ADGRL3: variants seen among roughly 807,000 people sequenced by gnomAD.
ADGRL3 encodes adhesion G protein-coupled receptor L3.
Under a neutral mutation model 153.5 loss-of-function variants are expected in ADGRL3, and 62 were observed. The ratio of observed to expected loss-of-function variants is 0.40; its 90% confidence interval spans 0.33 to 0.50. ADGRL3 has a LOEUF of 0.50. Ranked by LOEUF, ADGRL3 falls within the 20% of genes least tolerant of loss-of-function variation. The pLI, the probability that ADGRL3 is intolerant of heterozygous loss-of-function variation, is 0.47. For missense variants in ADGRL3, 1,641 were observed against 1,859.4 expected, an observed-to-expected ratio of 0.88 and a Z score of 2.16; for synonymous variants, 710 against 672.5, an observed-to-expected ratio of 1.06 and a Z score of -0.86.
chr4:61,223,350 G>C (rs1466184909), intron 1 of ADGRL3, among the ~76,000 whole-genome samples: 1 of 152,138 alleles, frequency 6.6e-6, no homozygotes, highest in Non-Finnish European at 1.5e-5. Flanking sequence ...GCATTTAATG[G>C]GCTCTCTGCA....
At chr4:61,822,403 T>C (rs990901345) in intron 9 of ADGRL3, among the ~76,000 whole-genome samples, 2 of 152,154 alleles carry the variant, frequency 1.3e-5, no homozygotes, top group Non-Finnish European at 2.9e-5. Flanking sequence ...AAGGATCCTA[T>C]TACTTTTTTA....
At chr4:61,740,565 C>T (rs758348471) in intron 8 of ADGRL3, among the ~76,000 whole-genome samples, 5 of 152,158 alleles carry the variant, frequency 3.3e-5, no homozygotes, top group Non-Finnish European at 5.9e-5. Context: ...CTAAGCTGTC[C>T]ATCAAACATT....
At chr4:61,879,686 G>A (rs539349789) in intron 9 of ADGRL3, among the ~76,000 whole-genome samples, 1 of 152,080 alleles carries the variant, frequency 6.6e-6, no homozygotes, top group South Asian at 2.1e-4. Flanking sequence ...AAGCAAAATT[G>A]GGAGGTCTTC....
intron 2 of ADGRL3, among the ~76,000 whole-genome samples, chr4:61,408,801 G>T (rs1203607594): frequency 6.6e-6 from 1 of 151,794 alleles, no homozygotes; most frequent in Non-Finnish European, 1.5e-5. Context: ...AAAACACTGA[G>T]TTTGGATGAT....
At chr4:61,360,000 G>T (rs2096258739) in intron 1 of ADGRL3, among the ~76,000 whole-genome samples, 1 of 152,040 alleles carries the variant, frequency 6.6e-6, no homozygotes. Context: ...TAATTTTTCA[G>T]CTGATGTTTC....
intron 10 of ADGRL3, among the ~76,000 whole-genome samples, chr4:61,894,590 T>A (rs575394666): frequency 6.6e-6 from 1 of 152,270 alleles, no homozygotes; most frequent in Admixed American, 6.5e-5. Flanking sequence ...AAACACTTTA[T>A]TTGAAAGCAC....
intron 19 of ADGRL3, among the ~76,000 whole-genome samples, chr4:61,991,863 C>CAT (rs60478013): frequency 0.018 from 2,669 of 147,586 alleles, 87 homozygotes; most frequent in African/African-American, 0.062. Context: ...TCAATCTTGC[C>CAT]ATATATATAT....
At chr4:61,896,700 T>C (rs1473074318) in intron 11 of ADGRL3, among the ~76,000 whole-genome samples, 1 of 152,200 alleles carries the variant, frequency 6.6e-6, no homozygotes, top group Admixed American at 6.5e-5. Flanking sequence ...CATGGAAGAA[T>C]AGTGGTTATA....
intron 4 of ADGRL3, among the ~76,000 whole-genome samples, chr4:61,531,921 A>G (rs751753722): frequency 2.0e-4 from 30 of 152,210 alleles, no homozygotes; most frequent in Admixed American, 3.3e-4. Flanking sequence ...AGAGTGTGTA[A>G]TACAATGTCT....
At chr4:62,020,437 A>T (rs2099232721) in intron 21 of ADGRL3, among the ~76,000 whole-genome samples, 1 of 152,006 alleles carries the variant, frequency 6.6e-6, no homozygotes, top group South Asian at 2.1e-4. Context: ...AAAATACTGG[A>T]CCTCCAAAAG....
intron 8 of ADGRL3, among the ~76,000 whole-genome samples, chr4:61,763,395 A>AGGCTGGTC (rs1202173656): frequency 6.6e-6 from 1 of 151,728 alleles, no homozygotes; most frequent in East Asian, 1.9e-4. Context: ...CTATGTTAGC[A>AGGCTGGTC]GGCTGGTCTC....
rs1219990053 is a variant in ADGRL3, at chr4:61,432,638, CTTTCTTTCTTTCTT to C, written c.-174+49451_-174+49464del. ...TCTTTCTTTCTTTCTTTCTTTCTTT[CTTTCTTTCTTTCTT>C]TCTTTTTTTTTTTTTTTTGAGACAG... On this transcript the variant is annotated intron_variant, in intron 2 of 26. Transcript: ENST00000683033. 3.3e-4 allele frequency among the ~76,000 whole-genome samples: 8 copies of C among 23,930 alleles called. 1 individual carries two copies. The highest frequency in any genetic ancestry group is 9.7e-4 in the African/African-American group (8 of 8,212). 15.7% of individuals were successfully genotyped at this position (23,930 alleles called of 152,430 possible).
chr4:61,404,132 G>T (rs755480027), intron 2 of ADGRL3, among the ~76,000 whole-genome samples: 3 of 151,948 alleles, frequency 2.0e-5, no homozygotes, highest in Non-Finnish European at 4.4e-5. Flanking sequence ...CTGGCAGCAT[G>T]GTGTTTACAG....
At chr4:61,916,738 A>G (rs2098746829) in intron 13 of ADGRL3, among the ~76,000 whole-genome samples, 1 of 152,182 alleles carries the variant, frequency 6.6e-6, no homozygotes, top group Admixed American at 6.5e-5. Flanking sequence ...AGATCACTTG[A>G]GACCAGGAGT....
intron 1 of ADGRL3, among the ~76,000 whole-genome samples, chr4:61,243,358 C>T (rs980391279): frequency 4.6e-5 from 7 of 152,000 alleles, no homozygotes; most frequent in Non-Finnish European, 7.4e-5. Context: ...GAACCAGGTC[C>T]TGTGGGAACT....
chr4:61,595,067 G>A (rs1322318881), intron 5 of ADGRL3, among the ~76,000 whole-genome samples: 1 of 152,126 alleles, frequency 6.6e-6, no homozygotes, highest in Non-Finnish European at 1.5e-5. Context: ...TCAGGGAAGT[G>A]TATTGCCTTC....
chr4:61,318,242 A>AC (rs2095276140), intron 1 of ADGRL3, among the ~76,000 whole-genome samples: 2 of 149,614 alleles, frequency 1.3e-5, no homozygotes, highest in African/African-American at 5.0e-5. Context: ...CACACACACA[A>AC]AAGAAAATAT....
At chr4:61,976,240 C>T (rs1273901756) in intron 17 of ADGRL3, among the ~76,000 whole-genome samples, 1 of 152,094 alleles carries the variant, frequency 6.6e-6, no homozygotes, top group Non-Finnish European at 1.5e-5. Context: ...AAATAGGAAT[C>T]CTTGTGCCAT....
chr4:61,851,243 G>C (rs1036685201), intron 9 of ADGRL3, among the ~76,000 whole-genome samples: 11 of 152,030 alleles, frequency 7.2e-5, no homozygotes, highest in Non-Finnish European at 1.3e-4. Flanking sequence ...AACTCAGAAA[G>C]GGATATATTT....
Sources: gnomAD v4.1 joint callset for allele counts (sites outside exome capture counted in the v4.1 genomes callset) on GRCh38, gnomAD v4.1.1 for gene constraint, MANE v1.5 for transcripts, NCBI Gene and HGNC (gene_info 2026-07-23, HGNC 2026-07-21) for gene names.